CDH12: variants seen among roughly 807,000 people sequenced by gnomAD.
The protein encoded by CDH12 is cadherin 12.
Under a neutral mutation model 74.1 loss-of-function variants are expected in CDH12, and 41 were observed. The ratio of observed to expected loss-of-function variants is 0.55; its 90% CI spans 0.43 to 0.72. CDH12 has a LOEUF of 0.72. CDH12 is among the 30% of genes least tolerant of loss of function. CDH12 has a pLI of 0.00. For synonymous variants in CDH12, 399 were observed against 355.0 expected (o/e 1.12, Z -1.39); for missense variants, 945 against 977.2 (o/e 0.97, Z 0.44).
At chr5:22,058,039 A>ATCTATCTATCTATCTG (rs1449575666) in intron 5 of CDH12, among the ~76,000 whole-genome samples, 10 of 145,968 alleles carry the variant, frequency 6.9e-5, no homozygotes, top group African/African-American at 2.6e-4. Flanking sequence ...CTATCTATCT[A>ATCTATCTATCTATCTG]TCTATCATCT....
intron 1 of CDH12, among the ~76,000 whole-genome samples, chr5:22,574,678 G>A (rs991607128): frequency 1.2e-4 from 18 of 151,822 alleles, no homozygotes; most frequent in African/African-American, 2.7e-4. Flanking sequence ...AGGTTCCTAC[G>A]CTTGCCTTCA....
intron 5 of CDH12, among the ~76,000 whole-genome samples, chr5:22,056,932 C>A (rs1210843366): frequency 6.6e-6 from 1 of 152,130 alleles, no homozygotes; most frequent in Non-Finnish European, 1.5e-5. Flanking sequence ...GGACCCATTT[C>A]TGACAACCAA....
chr5:22,782,858 A>G (rs1048445134), intron 1 of CDH12, among the ~76,000 whole-genome samples: 3 of 152,226 alleles, frequency 2.0e-5, no homozygotes, highest in Non-Finnish European at 1.5e-5. Flanking sequence ...TCACAATGAA[A>G]CAAACAAATC....
intron 1 of CDH12, among the ~76,000 whole-genome samples, chr5:22,740,506 G>C (rs1580946205): frequency 6.6e-6 from 1 of 151,876 alleles, no homozygotes; most frequent in East Asian, 1.9e-4. Context: ...CTACGGTAAT[G>C]ATTGTTAAAA....
intron 1 of CDH12, among the ~76,000 whole-genome samples, chr5:22,513,761 C>A (rs1346477798): frequency 6.6e-6 from 1 of 151,836 alleles, no homozygotes; most frequent in Admixed American, 6.6e-5. Flanking sequence ...GTCTAGCCAA[C>A]ACGGTGAAAC....
chr5:22,839,207 C>A (rs1736976722), intron 1 of CDH12, among the ~76,000 whole-genome samples: 1 of 152,076 alleles, frequency 6.6e-6, no homozygotes, highest in African/African-American at 2.4e-5. Context: ...AAATATCATA[C>A]AACAACAAAA....
chr5:22,696,510 C>A (rs1370790702), intron 1 of CDH12, among the ~76,000 whole-genome samples: 2 of 151,872 alleles, frequency 1.3e-5, no homozygotes, highest in African/African-American at 4.8e-5. Context: ...CTGTCAAATA[C>A]CTTTTTAGTA....
intron 2 of CDH12, among the ~76,000 whole-genome samples, chr5:22,418,612 G>A (rs956502599): frequency 6.6e-6 from 1 of 152,194 alleles, no homozygotes; most frequent in Non-Finnish European, 1.5e-5. Context: ...GGCCCGGCAC[G>A]GTAGCTCGCG....
intron 2 of CDH12, among the ~76,000 whole-genome samples, chr5:22,416,316 C>T (rs1010008928): frequency 4.0e-5 from 6 of 151,706 alleles, no homozygotes; most frequent in Non-Finnish European, 7.4e-5. Flanking sequence ...ACCTCGTGAT[C>T]CGCCCGCCTC....
At chr5:22,602,953 T>C (rs566775216) in intron 1 of CDH12, among the ~76,000 whole-genome samples, 2 of 152,296 alleles carry the variant, frequency 1.3e-5, no homozygotes, top group Non-Finnish European at 2.9e-5. Context: ...AGTCTTTCAT[T>C]GACATAATAC....
rs534947078 is a variant in CDH12 at position 21,982,977 on chromosome 5, C to T, written c.232-7592G>A. On this transcript the variant is annotated intron_variant, in intron 5 of 14. Transcript: ENST00000382254. ...GGTCTGACATCAAATCTTTTCACTA[C>T]ATGCCTCTCTTTGGGAGGCTTCTTT... 2.0e-5 allele frequency among the ~76,000 whole-genome samples: 3 copies of T among 152,234 alleles called. No homozygotes were observed. In the East Asian group the frequency reaches 5.8e-4, roughly 29 times the overall value.
chr5:21,847,733 G>A (rs1750251807), intron 7 of CDH12, among the ~76,000 whole-genome samples: 1 of 152,048 alleles, frequency 6.6e-6, no homozygotes, highest in Non-Finnish European at 1.5e-5. Context: ...CACAGGTCCT[G>A]GGGTTTAGGA....
chr5:21,878,875 GAAAGAAAGAA>G (rs1752090144), intron 6 of CDH12, among the ~76,000 whole-genome samples: 2 of 136,494 alleles, frequency 1.5e-5, no homozygotes, highest in African/African-American at 5.5e-5. Flanking sequence ...GAAAGAGAGA[GAAAGAAAGAA>G]AAAGAAAGAA....
intron 1 of CDH12, among the ~76,000 whole-genome samples, chr5:22,737,726 A>G (rs1013985038): frequency 6.6e-6 from 1 of 152,088 alleles, no homozygotes; most frequent in Non-Finnish European, 1.5e-5. Context: ...AAATGTAATA[A>G]CTGTTCAAAA....
chr5:22,777,461 T>C (rs904110830), intron 1 of CDH12, among the ~76,000 whole-genome samples: 4 of 152,118 alleles, frequency 2.6e-5, no homozygotes, highest in Non-Finnish European at 5.9e-5. Context: ...TTGGGATGAG[T>C]AAGAATAATA....
intron 3 of CDH12, among the ~76,000 whole-genome samples, chr5:22,307,054 C>G (rs555408830): frequency 2.6e-5 from 4 of 152,214 alleles, no homozygotes; most frequent in South Asian, 4.2e-4. Flanking sequence ...GATTATAGCT[C>G]TATGGGGTAA....
chr5:22,784,172 C>T (rs1359952729), intron 1 of CDH12, among the ~76,000 whole-genome samples: 1 of 152,054 alleles, frequency 6.6e-6, no homozygotes, highest in African/African-American at 2.4e-5. Flanking sequence ...AATATACCAT[C>T]TAGTTTTTGT....
chr5:22,019,177 G>C (rs889493443), intron 5 of CDH12, among the ~76,000 whole-genome samples: 2 of 152,010 alleles, frequency 1.3e-5, no homozygotes, highest in Admixed American at 1.3e-4. Flanking sequence ...CTATGGCCTG[G>C]CCTGTCATAT....
chr5:22,253,500 A>C (rs2150388910), intron 3 of CDH12, among the ~76,000 whole-genome samples: 1 of 151,988 alleles, frequency 6.6e-6, no homozygotes, highest in East Asian at 1.9e-4. Context: ...TCTGATAAAT[A>C]ACATGCCTTA....
Sources: gnomAD v4.1 joint callset for allele counts (sites outside exome capture counted in the v4.1 genomes callset) on GRCh38, gnomAD v4.1.1 for gene constraint, MANE v1.5 for transcripts, NCBI Gene and HGNC (gene_info 2026-07-23, HGNC 2026-07-21) for gene names.